Variants in DNAH12 observed in about 807,000 individuals in gnomAD.
DNAH12 encodes dynein axonemal heavy chain 12, also known as axonemal beta dynein heavy chain 12.
A neutral mutation model predicts 371.5 loss-of-function variants in DNAH12; 285 were observed. The observed-to-expected ratio is 0.77, with a 90% confidence interval of 0.70 to 0.85. DNAH12 has a LOEUF of 0.85. Ranked by LOEUF, DNAH12 falls within the 40% of genes least tolerant of loss-of-function variation. The pLI, the probability that DNAH12 is intolerant of heterozygous loss-of-function variation, is 0.00. For synonymous variants in DNAH12, 1,200 were observed against 1,213.0 expected, an observed-to-expected ratio of 0.99 and a Z score of 0.22; for missense variants, 3,611 against 3,689.4, an observed-to-expected ratio of 0.98 and a Z score of 0.55.
chr3:57,416,505 A>T (rs62252862), intron 37 of DNAH12, among the ~76,000 whole-genome samples: 28,739 of 152,102 alleles, frequency 0.19, 2,946 homozygotes, highest in African/African-American at 0.24. Context: ...CAGAAAGTCA[A>T]AGTCTGTCTC....
At chr3:57,496,762 A>T (rs1335700246) in intron 11 of DNAH12, among the ~76,000 whole-genome samples, 2 of 152,202 alleles carry the variant, frequency 1.3e-5, no homozygotes, top group African/African-American at 2.4e-5. Context: ...TGAGGTCAGG[A>T]GTTCAAGACC....
Position 57,421,517 on chromosome 3 carries a change from C to T in DNAH12, c.5562+1G>A, listed in dbSNP as rs1240041284. ...ACCATAACAAGCTTTTTATGTCATACCTCATACATGTAGTCATAGACCAGG... is the reference window on the plus strand; with the variant it reads ...ACCATAACAAGCTTTTTATGTCATATCTCATACATGTAGTCATAGACCAGG... On this transcript the variant is annotated splice_donor_variant, in intron 36 of 73. Transcript: ENST00000495027. LOFTEE classifies it high-confidence loss of function. 1 of 1,551,502 alleles carries T rather than the reference C, an allele frequency of 6.4e-7. No homozygotes were observed. Among genetic ancestry groups the T allele is most frequent in the South Asian group, 1.2e-5 (1 of 84,058 alleles).
At chr3:57,480,016 G>A (rs1272301660) in intron 13 of DNAH12, among the ~76,000 whole-genome samples, 1 of 152,004 alleles carries the variant, frequency 6.6e-6, no homozygotes, top group Non-Finnish European at 1.5e-5. Context: ...AAGAACTAGA[G>A]AAGCAAGAGC....
Position 57,508,534 on chromosome 3 carries a change from T to C in DNAH12, c.549A>G (p.Leu183=). The C allele has an allele frequency of 1.2e-6, 2 of 1,607,946 alleles. No homozygotes were observed. Among genetic ancestry groups the C allele is most frequent in the South Asian group, 1.1e-5 (1 of 89,342 alleles). The part of the protein sequence containing the change: ...GGPLPESPVG[L]DYSNPWHSSY... ...TAGAATGCCAAGGATTAGAATAATC[T>C]AGGCCTCTGGAAAAGCAAAACACCA... Residue 183 remains leucine, a synonymous_variant, in exon 7 of 74, where the codon CTA becomes CTG. Coordinates refer to ENST00000495027, the MANE Select transcript of DNAH12 (RefSeq NM_001366028.2).
intron 62 of DNAH12, among the ~76,000 whole-genome samples, chr3:57,325,693 C>T (rs1199110566): frequency 6.6e-6 from 1 of 152,218 alleles, no homozygotes; most frequent in Non-Finnish European, 1.5e-5. Context: ...CACAGTTCCT[C>T]ACCAGCAATG....
At chr3:57,314,416 G>A in intron 66 of DNAH12, 78 bp downstream of exon 66, 1 of 1,516,718 alleles carries the variant, frequency 6.6e-7, no homozygotes, top group Non-Finnish European at 8.9e-7. Context: ...AAGTGAATCA[G>A]CTATTCCAAG....
intron 69 of DNAH12, among the ~76,000 whole-genome samples, chr3:57,306,000 G>A (rs910764009): frequency 6.6e-6 from 1 of 152,184 alleles, no homozygotes; most frequent in East Asian, 1.9e-4. Context: ...CCCGCAGCCC[G>A]GGATTCCTCA....
At chr3:57,332,906 T>A (rs1023698725) in intron 62 of DNAH12, among the ~76,000 whole-genome samples, 1 of 152,160 alleles carries the variant, frequency 6.6e-6, no homozygotes, top group Admixed American at 6.5e-5. Context: ...TTGGTAGAGC[T>A]AAATAATGCA....
At chr3:57,308,725 T>C (rs1386347756) in intron 69 of DNAH12, among the ~76,000 whole-genome samples, 1 of 152,204 alleles carries the variant, frequency 6.6e-6, no homozygotes, top group Non-Finnish European at 1.5e-5. Context: ...TTAAAGTAAA[T>C]AAATAATCTT....
intron 69 of DNAH12, 90 bp from the exon 70 acceptor site, chr3:57,302,029 G>A: frequency 7.3e-7 from 1 of 1,378,446 alleles, no homozygotes; most frequent in Non-Finnish European, 9.8e-7. Flanking sequence ...TTCATTCCCA[G>A]CTTTATGGGA....
chr3:57,402,374 G>A (rs879985416), intron 43 of DNAH12: 79 of 1,303,594 alleles, frequency 6.1e-5, no homozygotes, highest in Non-Finnish European at 7.3e-5. Context: ...ATATAAGGAC[G>A]AAGCCCCAAG....
chr3:57,312,050 G>A (rs907374110), intron 66 of DNAH12, among the ~76,000 whole-genome samples: 1 of 152,124 alleles, frequency 6.6e-6, no homozygotes, highest in Non-Finnish European at 1.5e-5. Context: ...AGGAATTTTT[G>A]ATAGTATGTG....
intron 22 of DNAH12, among the ~76,000 whole-genome samples, chr3:57,455,434 G>C (rs1251076820): frequency 6.6e-6 from 1 of 151,868 alleles, no homozygotes; most frequent in Non-Finnish European, 1.5e-5. Flanking sequence ...GCTGGGCATG[G>C]TGGTGGGCAC....
At position 57,334,621 on chromosome 3, in the gene DNAH12, A is replaced by C. The variant is rs2062181259; in HGVS notation, c.9834-12T>G. The C allele has an allele frequency of 6.5e-7, 1 of 1,529,306 alleles. No homozygotes were observed. The highest frequency in any genetic ancestry group is 1.3e-5 in the South Asian group (1 of 78,926). 94.7% of individuals were successfully genotyped at this position (1,529,306 alleles called of 1,614,324 possible). A position where few individuals can be genotyped will look rare whatever the true frequency, so the allele number is the denominator to read the frequency against. ...CACAAAAATGTTGCCTAATAGAAAAAAGCTTAAGAATTATTCTTTTTATTG... is the reference window on the plus strand; with the variant it reads ...CACAAAAATGTTGCCTAATAGAAAACAGCTTAAGAATTATTCTTTTTATTG... On this transcript the variant is annotated splice_polypyrimidine_tract_variant and intron_variant, in intron 61 of 73. Coordinates refer to ENST00000495027, the MANE Select transcript of DNAH12 (RefSeq NM_001366028.2).
intron 11 of DNAH12, among the ~76,000 whole-genome samples, chr3:57,499,275 A>G (rs2067428886): frequency 6.6e-6 from 1 of 152,096 alleles, no homozygotes. Context: ...AATGTTCTAC[A>G]TCTTAATTCT....
At chr3:57,398,103 A>T (rs2063782840) in intron 43 of DNAH12, among the ~76,000 whole-genome samples, 3 of 152,216 alleles carry the variant, frequency 2.0e-5, no homozygotes, top group Admixed American at 1.3e-4. Context: ...GAAACTATAA[A>T]ATATAAATTC....
intron 35 of DNAH12, 86 bp from the exon 36 acceptor site, chr3:57,421,792 G>C: frequency 7.0e-7 from 1 of 1,429,576 alleles, no homozygotes; most frequent in Admixed American, 2.0e-5. Flanking sequence ...AATATATTAG[G>C]ATATGCTCAA....
intron 2 of DNAH12, among the ~76,000 whole-genome samples, chr3:57,532,582 T>G (rs2068888911): frequency 6.6e-6 from 1 of 152,230 alleles, no homozygotes; most frequent in African/African-American, 2.4e-5. Context: ...TCTTGCAGAC[T>G]CATAGAAGTA....
intron 59 of DNAH12, among the ~76,000 whole-genome samples, chr3:57,352,620 A>G (rs1559580633): frequency 6.6e-6 from 1 of 152,090 alleles, no homozygotes. Context: ...TAAATATCTT[A>G]TTCTGCCCCA....
Sources: gnomAD v4.1 joint callset for allele counts (sites outside exome capture counted in the v4.1 genomes callset) on GRCh38, gnomAD v4.1.1 for gene constraint, MANE v1.5 for transcripts, NCBI Gene and HGNC (gene_info 2026-07-23, HGNC 2026-07-21) for gene names.